Variants in SPAST observed in about 807,000 individuals in gnomAD.
The protein encoded by SPAST is spastic paraplegia 4 (autosomal dominant; spastin).
In SPAST, 30 loss-of-function variants were observed where a neutral mutation model predicts 76.6. The ratio of observed to expected loss-of-function variants is 0.39; its 90% CI spans 0.29 to 0.53. The LOEUF is 0.53. Among genes scored for constraint, SPAST ranks in the 20% least tolerant of loss-of-function variants. The pLI is 0.68. For synonymous variants in SPAST, 305 were observed against 281.0 expected, an observed-to-expected ratio of 1.09 and a Z score of -0.86; for missense variants, 717 against 770.5, an observed-to-expected ratio of 0.93 and a Z score of 0.82.
Position 32,071,007 on chromosome 2 carries a change from G to A in SPAST, c.415+6761G>A, listed in dbSNP as rs141065805. On this transcript the variant is annotated intron_variant, in intron 1 of 16. Coordinates refer to ENST00000315285, the MANE Select transcript of SPAST (RefSeq NM_014946.4). ...ATTGTACTTTTTACTTTATACTGCAGGTTTTTATGTTGTAATGCTGGTAAT... is the reference window on the plus strand; with the variant it reads ...ATTGTACTTTTTACTTTATACTGCAAGTTTTTATGTTGTAATGCTGGTAAT... Among the ~76,000 whole-genome samples, 312 of 152,290 alleles carry A rather than the reference G, an allele frequency of 2.0e-3. 2 individuals carry two copies. Among genetic ancestry groups the A allele is most frequent in the African/African-American group, 7.3e-3 (302 of 41,560 alleles).
chr2:32,147,284 C>A, intron 16 of SPAST, 26 bp downstream of exon 16: 1 of 1,415,372 alleles, frequency 7.1e-7, no homozygotes, highest in South Asian at 1.2e-5. Flanking sequence ...ATGATATTTT[C>A]TTTGTCTTCT....
chr2:32,109,120 T>G (rs1384149409), intron 4 of SPAST, among the ~76,000 whole-genome samples: 1 of 150,090 alleles, frequency 6.7e-6, no homozygotes, highest in Non-Finnish European at 1.5e-5. Flanking sequence ...AAATTTTTAT[T>G]TAGTTTTTGA....
chr2:32,136,091 A>G (rs1192601219), intron 9 of SPAST, among the ~76,000 whole-genome samples: 1 of 144,190 alleles, frequency 6.9e-6, no homozygotes, highest in Non-Finnish European at 1.5e-5. Context: ...AAAAAAAAGG[A>G]AAAAAAAAAA....
chr2:32,081,441 C>A (rs1007058121), intron 1 of SPAST, among the ~76,000 whole-genome samples: 3 of 152,164 alleles, frequency 2.0e-5, no homozygotes, highest in African/African-American at 4.8e-5. Flanking sequence ...CAGCCAAAAT[C>A]TTTTGCCACA....
chr2:32,142,365 G>A (rs930741395), intron 13 of SPAST, among the ~76,000 whole-genome samples: 3 of 152,150 alleles, frequency 2.0e-5, no homozygotes, highest in African/African-American at 7.2e-5. Flanking sequence ...GATGATATAT[G>A]TCGCATATCA....
intron 1 of SPAST, among the ~76,000 whole-genome samples, chr2:32,068,364 C>T (rs1676610571): frequency 6.6e-6 from 1 of 150,668 alleles, no homozygotes; most frequent in Admixed American, 6.6e-5. Context: ...CTTCTTCACC[C>T]AGGCTGGAGT....
chr2:32,139,380 C>T (rs1486545082), intron 12 of SPAST, among the ~76,000 whole-genome samples: 1 of 152,048 alleles, frequency 6.6e-6, no homozygotes, highest in African/African-American at 2.4e-5. Context: ...CTAAAAATTC[C>T]GTCAAAAGGC....
rs1265510973 is a variant in SPAST at position 32,068,270 on chromosome 2, G to A, written c.415+4024G>A. On this transcript the variant is annotated intron_variant, in intron 1 of 16. Coordinates refer to ENST00000315285, the MANE Select transcript of SPAST (RefSeq NM_014946.4). The stretch of plus-strand genomic sequence containing the variant: ...TGGGATTACAGGCGTGAGCCACCGC[G>A]CCCGGCACATATTTTGATTTCTAAT... Among the ~76,000 whole-genome samples, 4 of 151,472 alleles carry A rather than the reference G, an allele frequency of 2.6e-5. No individual in the cohort carries two copies. In the East Asian group the frequency reaches 5.8e-4, roughly 22 times the overall value.
At chr2:32,115,048 A>G (rs980106628) in intron 5 of SPAST, among the ~76,000 whole-genome samples, 4 of 149,514 alleles carry the variant, frequency 2.7e-5, no homozygotes, top group Non-Finnish European at 5.9e-5. Context: ...TCCCAGGTTC[A>G]AGCGATTCTC....
At chr2:32,064,272 CGGCGGCG>C in intron 1 of SPAST, 26 bp downstream of exon 1, 1 of 570,616 alleles carries the variant, frequency 1.8e-6, no homozygotes, top group Non-Finnish European at 2.5e-6. Context: ...GGGGAGGGGG[CGGCGGCG>C]CCGGGAAGAA....
intron 14 of SPAST, 113 bp from the exon 15 acceptor site, chr2:32,144,824 C>T: frequency 1.4e-6 from 1 of 707,760 alleles, no homozygotes; most frequent in Non-Finnish European, 2.6e-6. Flanking sequence ...GTGGAGATCA[C>T]AGTGAGCTGA....
rs554307464 is a variant in SPAST, at chr2:32,068,424, C to T, written c.415+4178C>T. Among the ~76,000 whole-genome samples, 37 of 151,710 alleles carry T rather than the reference C, an allele frequency of 2.4e-4. No individual in the cohort carries two copies. The East Asian group carries it at 6.4e-3, about 26-fold the overall frequency. On this transcript the variant is annotated intron_variant, in intron 1 of 16. Transcript: ENST00000315285. The stretch of plus-strand genomic sequence containing the variant: ...GCAACCTCCACCTCCCAGGTTCAAG[C>T]GATTCTCCTGCCTCAGCCTCCCCAG...
intron 1 of SPAST, among the ~76,000 whole-genome samples, chr2:32,081,581 C>T (rs993926440): frequency 1.3e-5 from 2 of 151,834 alleles, no homozygotes; most frequent in East Asian, 3.9e-4. Flanking sequence ...GTCAGGAGAT[C>T]GAGACCATCC....
At chr2:32,071,349 G>A (rs1676742737) in intron 1 of SPAST, among the ~76,000 whole-genome samples, 1 of 152,172 alleles carries the variant, frequency 6.6e-6, no homozygotes, top group Non-Finnish European at 1.5e-5. Context: ...AAAGGGTCAG[G>A]CATTGAAGAC....
chr2:32,102,996 G>A (rs1678185845), intron 4 of SPAST, among the ~76,000 whole-genome samples: 2 of 152,150 alleles, frequency 1.3e-5, no homozygotes, highest in African/African-American at 4.8e-5. Flanking sequence ...GAGTTAGGGA[G>A]GATTCCCTCT....
chr2:32,078,299 G>GC (rs1677056725), intron 1 of SPAST, among the ~76,000 whole-genome samples: 2 of 152,142 alleles, frequency 1.3e-5, no homozygotes, highest in Non-Finnish European at 2.9e-5. Flanking sequence ...AGCCTCCCAA[G>GC]TAGCTTGGGA....
At chr2:32,076,116 G>T (rs1409402933) in intron 1 of SPAST, among the ~76,000 whole-genome samples, 3 of 151,378 alleles carry the variant, frequency 2.0e-5, no homozygotes, top group Admixed American at 2.0e-4. Context: ...GTCCAGGCTA[G>T]CCTTGAACTC....
At chr2:32,133,099 G>C (rs1679426226) in intron 9 of SPAST, among the ~76,000 whole-genome samples, 1 of 151,594 alleles carries the variant, frequency 6.6e-6, no homozygotes, top group Non-Finnish European at 1.5e-5. Context: ...TGTGTCTCAT[G>C]ATCTATCCTG....
chr2:32,097,013 G>A (rs1025325983), intron 3 of SPAST, among the ~76,000 whole-genome samples: 40 of 152,172 alleles, frequency 2.6e-4, no homozygotes, highest in Non-Finnish European at 5.1e-4. Flanking sequence ...TGGTTGTACC[G>A]TAAACCAAGC....
Sources: gnomAD v4.1 joint callset for allele counts (sites outside exome capture counted in the v4.1 genomes callset) on GRCh38, gnomAD v4.1.1 for gene constraint, MANE v1.5 for transcripts, NCBI Gene and HGNC (gene_info 2026-07-23, HGNC 2026-07-21) for gene names.